SMOC1: variants seen among roughly 807,000 people sequenced by gnomAD.
SMOC1 encodes the protein SPARC-related modular calcium-binding protein 1.
A neutral mutation model predicts 56.3 loss-of-function variants in SMOC1; 22 were observed. The observed-to-expected ratio is 0.39, with a 90% confidence interval of 0.28 to 0.56. The LOEUF is 0.56. Ranked by LOEUF, SMOC1 falls within the 20% of genes least tolerant of loss-of-function variation. SMOC1 has a pLI of 0.61. For missense variants in SMOC1, 509 were observed against 565.4 expected (o/e 0.90, Z 1.01); for synonymous variants, 193 against 215.0 (o/e 0.90, Z 0.89).
chr14:69,882,258 G>T (rs1001829171), intron 1 of SMOC1, among the ~76,000 whole-genome samples: 1 of 152,122 alleles, frequency 6.6e-6, no homozygotes, highest in Non-Finnish European at 1.5e-5. Flanking sequence ...CCCTGTGGGC[G>T]CTCCTAAGTC....
At chr14:69,934,210 A>G (rs1413205077) in intron 1 of SMOC1, among the ~76,000 whole-genome samples, 1 of 152,102 alleles carries the variant, frequency 6.6e-6, no homozygotes, top group Non-Finnish European at 1.5e-5. Context: ...GACCTTCCCA[A>G]GCAGCACCCC....
At chr14:70,006,645 A>G (rs191054065) in intron 7 of SMOC1, among the ~76,000 whole-genome samples, 4 of 152,306 alleles carry the variant, frequency 2.6e-5, no homozygotes, top group East Asian at 1.9e-4. Context: ...AAAATAATTA[A>G]TTCTTTCTAA....
intron 1 of SMOC1, among the ~76,000 whole-genome samples, chr14:69,884,280 T>C (rs78335665): frequency 0.077 from 11,739 of 152,190 alleles, 535 homozygotes; most frequent in African/African-American, 0.12. Context: ...CTTTTGCCCA[T>C]TTTTTCATTG....
chr14:69,885,602 G>C (rs2139289425), intron 1 of SMOC1: 1 of 1,533,772 alleles, frequency 6.5e-7, no homozygotes, highest in East Asian at 2.3e-5. Context: ...AATGCAGTAA[G>C]GGACCCCCAT....
At chr14:69,996,634 G>C (rs910446215) in intron 7 of SMOC1, among the ~76,000 whole-genome samples, 1 of 152,318 alleles carries the variant, frequency 6.6e-6, no homozygotes, top group Non-Finnish European at 1.5e-5. Flanking sequence ...TTGTTGGGGT[G>C]GCCTGGCCAC....
chr14:70,010,107 T>A (rs1434053918), intron 7 of SMOC1, among the ~76,000 whole-genome samples: 4 of 152,196 alleles, frequency 2.6e-5, no homozygotes, highest in Non-Finnish European at 5.9e-5. Flanking sequence ...GCAGACACCA[T>A]CCGGCTGGGC....
rs754245914 is a variant in SMOC1 at position 69,994,358 on chromosome 14, T to A, written c.584-42T>A. The A allele has an allele frequency of 4.7e-6, 7 of 1,501,986 alleles. No individual in the cohort carries two copies. The Admixed American group carries it at 1.2e-4, about 25-fold the overall frequency. The allele number at this position is 1,501,986 out of a possible 1,614,324, so 93.0% of individuals were successfully genotyped here. ...AGGTTACACTTCCACTCACATAGTC[T>A]CTTTGCCCAGACTTTTTCTCTCTCC... On this transcript the variant is annotated intron_variant, in intron 6 of 11. Coordinates refer to ENST00000361956, the MANE Select transcript of SMOC1 (RefSeq NM_001034852.3).
intron 10 of SMOC1, among the ~76,000 whole-genome samples, chr14:70,022,715 AG>A (rs1233050440): frequency 6.6e-6 from 1 of 152,156 alleles, no homozygotes; most frequent in Admixed American, 6.6e-5. Context: ...ACTTGAGGCC[AG>A]GGGTGCACCC....
intron 1 of SMOC1, among the ~76,000 whole-genome samples, chr14:69,937,491 A>G (rs1885324935): frequency 6.6e-6 from 1 of 152,058 alleles, no homozygotes; most frequent in Non-Finnish European, 1.5e-5. Context: ...GTAGAATTTG[A>G]CATGGTTTTA....
At chr14:70,024,420 A>G (rs1347324340) in intron 11 of SMOC1, among the ~76,000 whole-genome samples, 2 of 152,150 alleles carry the variant, frequency 1.3e-5, no homozygotes, top group East Asian at 3.9e-4. Flanking sequence ...TGATTTTTGC[A>G]TTTGTAAAGA....
intron 7 of SMOC1, among the ~76,000 whole-genome samples, chr14:70,008,438 A>G (rs1475107816): frequency 6.6e-6 from 1 of 152,164 alleles, no homozygotes; most frequent in Non-Finnish European, 1.5e-5. Flanking sequence ...TGAGCCTGGC[A>G]TTTTAATGAT....
chr14:70,005,803 C>T (rs1236557060), intron 7 of SMOC1, among the ~76,000 whole-genome samples: 1 of 152,136 alleles, frequency 6.6e-6, no homozygotes, highest in Non-Finnish European at 1.5e-5. Context: ...CATTTCCATG[C>T]CCCCCTGGAC....
intron 1 of SMOC1, among the ~76,000 whole-genome samples, chr14:69,924,027 A>T (rs2139374639): frequency 6.6e-6 from 1 of 152,316 alleles, no homozygotes; most frequent in East Asian, 1.9e-4. Flanking sequence ...GAAAAAGGGG[A>T]TCTCAGTGGA....
Position 69,941,481 on chromosome 14 carries a change from G to A in SMOC1, c.100-10657G>A, listed in dbSNP as rs151173224. On this transcript the variant is annotated intron_variant, in intron 1 of 11. Transcript: ENST00000361956. ...ATTACCCAGGACACCCAGCCCCTTC[G>A]TTGGCCCAAATGTGCCCCTTCTTTT... Among the ~76,000 whole-genome samples the A allele has an allele frequency of 2.8e-3, 424 of 152,206 alleles. 2 individuals are homozygous for A. Among genetic ancestry groups the A allele is most frequent in the African/African-American group, 9.7e-3 (403 of 41,526 alleles).
chr14:70,025,896 A>G (rs1479632543), intron 11 of SMOC1, among the ~76,000 whole-genome samples: 2 of 152,214 alleles, frequency 1.3e-5, no homozygotes, highest in Non-Finnish European at 2.9e-5. Flanking sequence ...TGGGACAGTG[A>G]GTTAAAGCAT....
At chr14:69,914,670 T>C (rs1884638351) in intron 1 of SMOC1, among the ~76,000 whole-genome samples, 1 of 152,164 alleles carries the variant, frequency 6.6e-6, no homozygotes, top group African/African-American at 2.4e-5. Flanking sequence ...TGACCAGAGA[T>C]ATCTGTCCCT....
At chr14:69,991,407 C>G (rs1203044496) in intron 5 of SMOC1, among the ~76,000 whole-genome samples, 2 of 152,116 alleles carry the variant, frequency 1.3e-5, no homozygotes, top group Non-Finnish European at 2.9e-5. Context: ...TATACTGTTT[C>G]TTTGCATTAT....
chr14:69,992,525 T>A (rs1455147403), intron 6 of SMOC1, 52 bp downstream of exon 6: 13 of 1,385,908 alleles, frequency 9.4e-6, no homozygotes, highest in Non-Finnish European at 1.1e-5. Flanking sequence ...TTTTCAGGTT[T>A]GGGAAAAGTC....
At chr14:69,980,025 C>A (rs1884117953) in intron 5 of SMOC1, among the ~76,000 whole-genome samples, 1 of 152,184 alleles carries the variant, frequency 6.6e-6, no homozygotes, top group South Asian at 2.1e-4. Flanking sequence ...GACAGACAGA[C>A]CCATGGTCAT....
Sources: allele counts gnomAD v4.1 joint callset (sites outside exome capture counted in the v4.1 genomes callset), GRCh38; gene constraint gnomAD v4.1.1; transcripts MANE v1.5; gene names NCBI Gene and HGNC (gene_info 2026-07-23, HGNC 2026-07-21).